The following BRWD3 variants were observed in gnomAD, a reference collection of about 807,000 sequenced individuals.
The protein encoded by BRWD3 is bromodomain and WD repeat-containing protein 3.
A neutral mutation model predicts 149.7 loss-of-function variants in BRWD3; 10 were observed. The observed-to-expected ratio is 0.07, with a 90% CI of 0.04 to 0.11. The LOEUF is 0.11. Among genes scored for constraint, BRWD3 ranks in the 10% least tolerant of loss-of-function variants. The pLI is 1.00. For missense variants in BRWD3, 940 were observed against 1,373.2 expected (o/e 0.68, Z 4.99); for synonymous variants, 504 against 456.7 (o/e 1.10, Z -1.32).
chrX:80,725,839 A>G (rs2073216715), intron 14 of BRWD3, among the ~76,000 whole-genome samples: 1 of 106,052 alleles, frequency 9.4e-6, no homozygotes, highest in African/African-American at 3.5e-5. Context: ...ACATGTTTAC[A>G]TGTGTTACAT....
chrX:80,808,642 T>C, intron 3 of BRWD3, 44 bp from the exon 4 acceptor site: 1 of 1,140,439 alleles, frequency 8.8e-7, no homozygotes, highest in Non-Finnish European at 1.2e-6. Context: ...AGGCAAATGA[T>C]GAAGGAAAAG....
At chrX:80,749,863 G>T (rs1438670566) in intron 6 of BRWD3, among the ~76,000 whole-genome samples, 1 of 111,588 alleles carries the variant, frequency 9.0e-6, no homozygotes, top group Non-Finnish European at 1.9e-5. Context: ...TTATTTAATA[G>T]AAACAGCATG....
In BRWD3 at chrX:80,809,424, C is replaced by G; in HGVS notation, c.31+17G>C. The G allele has an allele frequency of 2.6e-6, 3 of 1,163,129 alleles. No individual in the cohort carries two copies. Among genetic ancestry groups the G allele is most frequent in the African/African-American group, 1.8e-5 (1 of 56,567 alleles). ...CATTCCCTTAGCACCCCCCCACCCC[C>G]CGACACAGCTACCCACCGGCTTCGA... On this transcript the variant is annotated intron_variant, in intron 1 of 40. Coordinates refer to ENST00000373275, the MANE Select transcript of BRWD3 (RefSeq NM_153252.5).
In BRWD3 at chrX:80,672,164, C is replaced by T. The variant is rs1422181005; in HGVS notation, c.*4445G>A. 4.5e-5 allele frequency: 5 copies of T among 109,944 alleles called. No homozygotes were observed. The South Asian group carries it at 2.0e-3, about 43-fold the overall frequency. The allele number at this position is 109,944 out of a possible 1,213,427, so 9.1% of individuals were successfully genotyped here. A position where few individuals can be genotyped will look rare whatever the true frequency, so the allele number is the denominator to read the frequency against. On this transcript the variant is annotated 3_prime_UTR_variant, in exon 41 of 41. Transcript: ENST00000373275. ...TAAACAAACACAACTTAATTCTAAA[C>T]TGCAGGGCCTTTCTACTGTACTTCT...
At position 80,729,903 on chromosome X, in the gene BRWD3, C is replaced by T; in HGVS notation, c.1232+13G>A. On this transcript the variant is annotated intron_variant, in intron 13 of 40. Transcript: ENST00000373275. ...TCATGAGAACCACATAAACATCTAA[C>T]ATATATTCTTACCCAGTCATTTTAG... is the stretch of plus-strand genomic sequence containing the variant. The T allele has an allele frequency of 9.4e-7, 1 of 1,060,473 alleles. No individual in the cohort carries two copies. Among genetic ancestry groups the T allele is most frequent in the Non-Finnish European group, 1.3e-6 (1 of 758,097 alleles). The allele number at this position is 1,060,473 out of a possible 1,213,427, so 87.4% of individuals were successfully genotyped here.
chrX:80,751,671 G>A (rs918816340), intron 6 of BRWD3, among the ~76,000 whole-genome samples: 4 of 111,544 alleles, frequency 3.6e-5, no homozygotes, highest in African/African-American at 9.8e-5. Flanking sequence ...ACCCAAATAT[G>A]ATACACTGTA....
intron 8 of BRWD3, among the ~76,000 whole-genome samples, chrX:80,743,351 A>C (rs1017435044): frequency 9.0e-6 from 1 of 111,529 alleles, no homozygotes; most frequent in African/African-American, 3.3e-5. Context: ...ATTGGTCTAA[A>C]ATTCTCTTTT....
At chrX:80,690,133 T>G in intron 31 of BRWD3, 41 bp from the exon 32 acceptor site, 1 of 1,169,756 alleles carries the variant, frequency 8.5e-7, no homozygotes, top group Non-Finnish European at 1.2e-6. Context: ...GGCTAATATA[T>G]TTAAAGTATA....
At chrX:80,732,491 G>T (rs2073346437) in intron 12 of BRWD3, among the ~76,000 whole-genome samples, 1 of 110,863 alleles carries the variant, frequency 9.0e-6, no homozygotes, top group Non-Finnish European at 1.9e-5. Flanking sequence ...TTTCAGGTAG[G>T]GCATGAACCG....
chrX:80,717,453 A>C, intron 19 of BRWD3, 120 bp downstream of exon 19: 1 of 672,724 alleles, frequency 1.5e-6, no homozygotes, highest in Non-Finnish European at 2.3e-6. Context: ...TGGAAAAACT[A>C]ATGCATGACT....
At chrX:80,725,989 A>G (rs1235726729) in intron 14 of BRWD3, among the ~76,000 whole-genome samples, 3 of 99,670 alleles carry the variant, frequency 3.0e-5, no homozygotes, top group South Asian at 1.1e-3. Context: ...ATATGTCTAT[A>G]TAACATAACA....
rs1381971651 is a variant in BRWD3, at chrX:80,671,197, C to T, written c.*5412G>A. The stretch of plus-strand genomic sequence containing the variant: ...AGAGATCTATTCATTTTGAAAAGCT[C>T]TGCAAAACAAAATGTTGACAAATGC... On this transcript the variant is annotated 3_prime_UTR_variant, in exon 41 of 41. Coordinates refer to ENST00000373275, the MANE Select transcript of BRWD3 (RefSeq NM_153252.5). 2 of 111,944 alleles carry T rather than the reference C, an allele frequency of 1.8e-5. No homozygotes were observed. The highest frequency in any genetic ancestry group is 3.8e-5 in the Non-Finnish European group (2 of 53,224). The allele number at this position is 111,944 out of a possible 1,213,427, so 9.2% of individuals were successfully genotyped here. A position where few individuals can be genotyped will look rare whatever the true frequency, so the allele number is the denominator to read the frequency against.
chrX:80,717,994 T>C (rs764935534), intron 18 of BRWD3, among the ~76,000 whole-genome samples: 9 of 111,648 alleles, frequency 8.1e-5, no homozygotes, highest in South Asian at 3.7e-4. Context: ...TTTTTCAAAG[T>C]AGTTTCACAT....
rs909217916 is a variant in BRWD3, at chrX:80,776,143, C to A, written c.430+15711G>T. Among the ~76,000 whole-genome samples, 3 of 111,859 alleles carry A rather than the reference C, an allele frequency of 2.7e-5. No individual in the cohort carries two copies. In the Admixed American group the frequency reaches 2.9e-4, roughly 11 times the overall value. On this transcript the variant is annotated intron_variant, in intron 6 of 40. Transcript: ENST00000373275. ...AAATAATTTAACAGCAAAAATTATA[C>A]ATAATATCCCTCGATCTTACCTCCA...
chrX:80,694,472 G>A (rs926471535), intron 27 of BRWD3, among the ~76,000 whole-genome samples: 3 of 110,764 alleles, frequency 2.7e-5, no homozygotes, highest in Non-Finnish European at 5.7e-5. Flanking sequence ...CAGATCCACC[G>A]ACAACGTGCG....
At chrX:80,809,114 G>C (rs2074382858) in intron 2 of BRWD3, 72 bp from the exon 3 acceptor site, 4 of 1,155,168 alleles carry the variant, frequency 3.5e-6, no homozygotes, top group Non-Finnish European at 4.7e-6. Flanking sequence ...CACACTTAAA[G>C]CCCAGCCGCT....
chrX:80,681,894 A>G (rs2072452702), intron 39 of BRWD3, 103 bp downstream of exon 39: 1 of 740,676 alleles, frequency 1.4e-6, no homozygotes, highest in African/African-American at 2.1e-5. Flanking sequence ...TTAAAAATCT[A>G]AATCCATTGT....
chrX:80,768,628 A>G (rs752433241), intron 6 of BRWD3, among the ~76,000 whole-genome samples: 2 of 111,777 alleles, frequency 1.8e-5, no homozygotes, highest in South Asian at 3.7e-4. Flanking sequence ...GCAAAAACAT[A>G]CCAAATTGTA....
chrX:80,722,787 T>C lies in BRWD3; in HGVS notation c.1651A>G (p.Ile551Val). 1 of 1,196,806 alleles carries C rather than the reference T, an allele frequency of 8.4e-7. No homozygotes were observed. Among genetic ancestry groups the C allele is most frequent in the Non-Finnish European group, 1.1e-6 (1 of 881,766 alleles). The stretch of plus-strand genomic sequence containing the variant: ...GTGTGGAAGAACATCTGATCTGGAA[T>C]CTTTATGACAGATTTTTAGTGGGTT... ...GFGCSKYYEK[I>V]PDQMFFHTDY... is the part of the protein sequence containing the mutation. Residue 551 changes from isoleucine to valine, a missense_variant and splice_region_variant, in exon 17 of 41, where the codon ATT becomes GTT. Ile to Val is a conservative substitution (Grantham distance 29). Transcript: ENST00000373275.
Sources: gnomAD v4.1 joint callset for allele counts (sites outside exome capture counted in the v4.1 genomes callset) on GRCh38, gnomAD v4.1.1 for gene constraint, MANE v1.5 for transcripts, NCBI Gene and HGNC (gene_info 2026-07-23, HGNC 2026-07-21) for gene names.